Variants in NAV2 observed in about 807,000 individuals in gnomAD.
NAV2 encodes neuron navigator 2.
A neutral mutation model predicts 223.2 loss-of-function variants in NAV2; 54 were observed. The observed-to-expected ratio is 0.24, with a 90% CI of 0.19 to 0.30. The LOEUF (loss-of-function observed/expected upper bound fraction) is 0.30, where lower values mean the gene tolerates loss of function less well. NAV2 is among the 10% of genes least tolerant of loss of function. The pLI is 1.00. For missense variants in NAV2, 2,806 were observed against 3,147.5 expected, an observed-to-expected ratio of 0.89 and a Z score of 2.60; for synonymous variants, 1,279 against 1,239.3, an observed-to-expected ratio of 1.03 and a Z score of -0.67.
At chr11:19,765,308 T>C (rs986441841) in intron 1 of NAV2, among the ~76,000 whole-genome samples, 2 of 152,012 alleles carry the variant, frequency 1.3e-5, no homozygotes, top group Admixed American at 6.6e-5. Context: ...CACATCATCA[T>C]CTTCTTCTCC....
At chr11:19,712,634 C>G (rs1336731727), upstream of NAV2, 1 of 152,202 alleles carries the variant, frequency 6.6e-6, no homozygotes, top group Non-Finnish European at 1.5e-5. Context: ...GGCGCGCGGC[C>G]GGGGCAGTGC....
intron 26 of NAV2, among the ~76,000 whole-genome samples, chr11:20,085,901 CAGA>C (rs558301491): frequency 3.1e-4 from 47 of 152,184 alleles, no homozygotes; most frequent in Non-Finnish European, 4.9e-4. Flanking sequence ...CCACCTGCAG[CAGA>C]AGAAGTGAAG....
chr11:19,557,541 T>C (rs1489844308), intron 1 of NAV2, among the ~76,000 whole-genome samples: 2 of 152,238 alleles, frequency 1.3e-5, no homozygotes, highest in African/African-American at 4.8e-5. Context: ...ATGAGAAAAC[T>C]GGAACTTCTG....
chr11:19,709,131 T>C (rs535341512), upstream of NAV2, among the ~76,000 whole-genome samples: 17 of 152,170 alleles, frequency 1.1e-4, no homozygotes, highest in South Asian at 2.1e-4. Context: ...AAGAAACTTA[T>C]AATTATCTCA....
chr11:19,837,049 G>C (rs1364396763), intron 2 of NAV2, among the ~76,000 whole-genome samples: 1 of 152,102 alleles, frequency 6.6e-6, no homozygotes, highest in Non-Finnish European at 1.5e-5. Flanking sequence ...TATGAATTTT[G>C]GGAGGACACA....
intron 1 of NAV2, among the ~76,000 whole-genome samples, chr11:19,612,044 C>T (rs1047738087): frequency 7.2e-5 from 11 of 152,234 alleles, no homozygotes; most frequent in African/African-American, 1.2e-4. Flanking sequence ...CAATTATTGA[C>T]TTCTATGCAC....
At chr11:19,990,787 A>T (rs2051252919) in intron 11 of NAV2, among the ~76,000 whole-genome samples, 1 of 152,204 alleles carries the variant, frequency 6.6e-6, no homozygotes, top group African/African-American at 2.4e-5. Context: ...TCTTAATCAC[A>T]CTAGCCTCAT....
chr11:19,481,264 A>T (rs1394124822), intron 1 of NAV2, among the ~76,000 whole-genome samples: 1 of 152,040 alleles, frequency 6.6e-6, no homozygotes, highest in Non-Finnish European at 1.5e-5. Flanking sequence ...CCTGAGGAGC[A>T]CCTGGCCCCA....
At chr11:19,598,269 G>A (rs1590643643) in intron 1 of NAV2, among the ~76,000 whole-genome samples, 1 of 152,300 alleles carries the variant, frequency 6.6e-6, no homozygotes, top group East Asian at 1.9e-4. Context: ...GGGGTGCCAG[G>A]GGGTCCTCAG....
intron 36 of NAV2, among the ~76,000 whole-genome samples, chr11:20,112,743 C>A (rs192368813): frequency 6.6e-6 from 1 of 152,176 alleles, no homozygotes; most frequent in Admixed American, 6.5e-5. Context: ...AGGTTCAAAT[C>A]GGGCTCTGCC....
At chr11:20,093,040 CAG>C in intron 28 of NAV2, 57 bp from the exon 29 acceptor site, 1 of 1,143,156 alleles carries the variant, frequency 8.7e-7, no homozygotes. Context: ...GCGGGGGTGT[CAG>C]GAAGCTGGCT....
intron 1 of NAV2, among the ~76,000 whole-genome samples, chr11:19,470,042 C>T (rs753952327): frequency 2.0e-5 from 3 of 152,232 alleles, no homozygotes; most frequent in Non-Finnish European, 2.9e-5. Context: ...CTTGCTTCTG[C>T]AAAGACTCCC....
chr11:19,855,997 A>G (rs1010454770), intron 3 of NAV2, among the ~76,000 whole-genome samples: 9 of 152,176 alleles, frequency 5.9e-5, no homozygotes, highest in African/African-American at 1.7e-4. Context: ...GGGTGGGTGG[A>G]GGGAGACTTC....
chr11:19,516,170 T>C (rs1245770899), intron 1 of NAV2, among the ~76,000 whole-genome samples: 1 of 152,228 alleles, frequency 6.6e-6, no homozygotes, highest in Non-Finnish European at 1.5e-5. Flanking sequence ...ATGAGATCTC[T>C]AAGGGACTCC....
Position 20,096,758 on chromosome 11 carries a change from G to C in NAV2, c.6013-819G>C, listed in dbSNP as rs2061299979. 4.6e-5 allele frequency among the ~76,000 whole-genome samples: 7 copies of C among 152,160 alleles called. No individual in the cohort carries two copies. In the South Asian group the frequency reaches 1.5e-3, roughly 32 times the overall value. On this transcript the variant is annotated intron_variant, in intron 30 of 37. Coordinates refer to ENST00000349880, the MANE Select transcript of NAV2 (RefSeq NM_145117.5). The stretch of plus-strand genomic sequence containing the variant: ...CAGAGAAAATTCTGTTTTTTGACTG[G>C]AGATTGGTCCCCATCCTGGTAAGCC...
intron 1 of NAV2, among the ~76,000 whole-genome samples, chr11:19,794,973 A>T (rs1429055273): frequency 5.9e-5 from 9 of 152,246 alleles, no homozygotes; most frequent in Admixed American, 2.6e-4. Flanking sequence ...GATTTAACTT[A>T]AAAGGCCTAG....
chr11:20,000,727 T>C lies in NAV2; in HGVS notation c.2768+16480T>C, dbSNP rs141011426. On this transcript the variant is annotated intron_variant, in intron 11 of 37. Coordinates refer to ENST00000349880, the MANE Select transcript of NAV2 (RefSeq NM_145117.5). ...ACACAAGCAGCACTTGTCATGCTAA[T>C]GACCCAGCCTCTCTGGTGCCACAGA... Among the ~76,000 whole-genome samples the C allele has an allele frequency of 2.0e-5, 3 of 152,308 alleles. No homozygotes were observed. In the East Asian group the frequency reaches 5.8e-4, roughly 29 times the overall value.
intron 1 of NAV2, among the ~76,000 whole-genome samples, chr11:19,360,022 C>T (rs977276910): frequency 1.3e-5 from 2 of 152,194 alleles, no homozygotes; most frequent in African/African-American, 4.8e-5. Context: ...TTTCTTAGTT[C>T]AGAGTCATGA....
At chr11:19,531,140 C>A (rs2044016801) in intron 1 of NAV2, among the ~76,000 whole-genome samples, 1 of 152,076 alleles carries the variant, frequency 6.6e-6, no homozygotes, top group African/African-American at 2.4e-5. Flanking sequence ...ATAGACTATG[C>A]TAGAGAGTAG....
Sources: gnomAD v4.1 joint callset for allele counts (sites outside exome capture counted in the v4.1 genomes callset) on GRCh38, gnomAD v4.1.1 for gene constraint, MANE v1.5 for transcripts, NCBI Gene and HGNC (gene_info 2026-07-23, HGNC 2026-07-21) for gene names.